RRN3: variants seen among roughly 807,000 people sequenced by gnomAD.
The protein encoded by RRN3 is RNA polymerase I-specific transcription initiation factor RRN3.
A neutral mutation model predicts 82.3 loss-of-function variants in RRN3; 38 were observed. That is an observed-to-expected ratio of 0.46 (90% CI 0.36 to 0.61). RRN3 has a LOEUF of 0.61. Among genes scored for constraint, RRN3 ranks in the 20% least tolerant of loss-of-function variants. The probability of loss-of-function intolerance (pLI) is 0.00; values close to 1 mark genes in which losing one functional copy is unlikely to be tolerated. For missense variants in RRN3, 726 were observed against 793.1 expected (o/e 0.92, Z 1.02); for synonymous variants, 284 against 284.3 (o/e 1.00, Z 0.01).
At chr16:15,085,795 A>T in intron 5 of RRN3, 97 bp from the exon 6 acceptor site, 1 of 1,506,244 alleles carries the variant, frequency 6.6e-7, no homozygotes, top group Non-Finnish European at 9.0e-7. Context: ...GAACAGCTAT[A>T]AAAAAAGTTA....
chr16:15,063,761 G>A (rs924493540), intron 16 of RRN3, among the ~76,000 whole-genome samples: 1 of 150,678 alleles, frequency 6.6e-6, no homozygotes, highest in Admixed American at 6.6e-5. Context: ...CTATGTAAAT[G>A]CTGTAACTAA....
Position 15,060,216 on chromosome 16 carries a change from G to A in RRN3, c.*1528C>T, listed in dbSNP as rs2044663387. ...AAGACCCCACTTACTACTAATTTCT[G>A]GGGAATTTCGTTTACTCGTTTTATC... On this transcript the variant is annotated 3_prime_UTR_variant, in exon 18 of 18. Transcript: ENST00000198767. 5.4e-6 allele frequency: 2 copies of A among 373,194 alleles called. No individual in the cohort carries two copies. The highest frequency in any genetic ancestry group is 1.1e-5 in the Non-Finnish European group (2 of 190,340). The allele number at this position is 373,194 out of a possible 1,614,324, so 23.1% of individuals were successfully genotyped here. A position where few individuals can be genotyped will look rare whatever the true frequency, so the allele number is the denominator to read the frequency against.
chr16:15,068,486 G>A (rs990884105), intron 14 of RRN3, among the ~76,000 whole-genome samples: 2 of 152,148 alleles, frequency 1.3e-5, no homozygotes, highest in Non-Finnish European at 2.9e-5. Context: ...TGGTCACCAA[G>A]GCAGCTTCTC....
chr16:15,065,442 C>T (rs1262451781), intron 15 of RRN3, 71 bp from the exon 16 acceptor site: 19 of 1,340,306 alleles, frequency 1.4e-5, no homozygotes, highest in African/African-American at 7.3e-5. Flanking sequence ...ATGTGAGCTG[C>T]GTGTGACAAC....
chr16:15,093,702 G>A (rs2046233353), intron 1 of RRN3, among the ~76,000 whole-genome samples: 1 of 152,186 alleles, frequency 6.6e-6, no homozygotes, highest in African/African-American at 2.4e-5. Context: ...TAAAAGTGGA[G>A]CAAAATAAAG....
intron 2 of RRN3, among the ~76,000 whole-genome samples, 177 bp downstream of exon 2, chr16:15,092,332 G>C (rs1259274666): frequency 1.3e-5 from 2 of 151,888 alleles, no homozygotes; most frequent in African/African-American, 4.8e-5. Flanking sequence ...GCCAAGGTGG[G>C]GGAAAAAAAG....
chr16:15,076,498 C>T (rs1597931341), intron 10 of RRN3, 60 bp downstream of exon 10: 1 of 1,111,628 alleles, frequency 9.0e-7, no homozygotes, highest in Non-Finnish European at 1.4e-6. Flanking sequence ...ATGAGCAGCA[C>T]TAGCTGTTTC....
At position 15,063,111 on chromosome 16, in the gene RRN3, C is replaced by T. The variant is rs1829345; in HGVS notation, c.1794+85G>A. ...CCCTAAAGTGCGGGGATTACACGCA[C>T]GAACGACTTGCCACTTACTATCTCA... On this transcript the variant is annotated intron_variant, in intron 17 of 17. Transcript: ENST00000198767. 123 of 1,031,966 alleles carry T rather than the reference C, an allele frequency of 1.2e-4. 1 individual carries two copies. The South Asian group carries it at 1.3e-3, about 11-fold the overall frequency. The allele number at this position is 1,031,966 out of a possible 1,614,324, so 63.9% of individuals were successfully genotyped here. A position where few individuals can be genotyped will look rare whatever the true frequency, so the allele number is the denominator to read the frequency against.
At chr16:15,081,009 T>C (rs1272709832) in intron 8 of RRN3, among the ~76,000 whole-genome samples, 1 of 152,202 alleles carries the variant, frequency 6.6e-6, no homozygotes. Context: ...AGTCATATAA[T>C]ACACAGTCTT....
chr16:15,061,118 T>C lies in RRN3; in HGVS notation c.*626A>G, dbSNP rs1299776746. The C allele has an allele frequency of 2.0e-5, 3 of 152,260 alleles. No homozygotes were observed. The highest frequency in any genetic ancestry group is 4.4e-5 in the Non-Finnish European group (3 of 68,076). The allele number at this position is 152,260 out of a possible 1,614,324, so 9.4% of individuals were successfully genotyped here. On this transcript the variant is annotated 3_prime_UTR_variant, in exon 18 of 18. Transcript: ENST00000198767. ...TCTCTTCCCTATGGGCTTTTATTGG[T>C]CTCTGAAGTCCCTGGAGATCTTCAG...
intron 12 of RRN3, among the ~76,000 whole-genome samples, chr16:15,072,392 AAT>A (rs1462069445): frequency 2.6e-5 from 4 of 152,186 alleles, no homozygotes; most frequent in African/African-American, 7.2e-5. Context: ...ATGAGATTTT[AAT>A]AGAGAAAGGC....
intron 10 of RRN3, among the ~76,000 whole-genome samples, chr16:15,075,734 T>C (rs558658379): frequency 1.3e-5 from 2 of 152,214 alleles, no homozygotes; most frequent in Admixed American, 6.5e-5. Context: ...ATGAGACCTA[T>C]CCATGCAAAA....
intron 8 of RRN3, among the ~76,000 whole-genome samples, chr16:15,081,255 C>T (rs56378940): frequency 0.11 from 16,515 of 152,200 alleles, 1,178 homozygotes; most frequent in Non-Finnish European, 0.16. Flanking sequence ...TGCTGAGTCA[C>T]GTGTTAATTC....
In RRN3 at chr16:15,084,695, T is replaced by C. The variant is rs2045845939; in HGVS notation, c.543A>G (p.Ala181=). Residue 181 remains alanine (A), a synonymous_variant, in exon 7 of 18, where the codon GCA becomes GCG. Coordinates refer to ENST00000198767, the MANE Select transcript of RRN3 (RefSeq NM_018427.5). ...DSDDEDDNLP[A]NFDTCHRALQ... Reference sequence around the variant, plus strand: ...AGGCTCTGTGACATGTGTCAAAATTTGCAGGAAGATCTGAAAGGAGAAAAG... The same window carrying C: ...AGGCTCTGTGACATGTGTCAAAATTCGCAGGAAGATCTGAAAGGAGAAAAG... The C allele has an allele frequency of 1.9e-6, 3 of 1,612,826 alleles. No homozygotes were observed. The African/African-American group carries it at 4.0e-5, about 22-fold the overall frequency.
At chr16:15,083,842 A>G in intron 7 of RRN3, 1 of 354,420 alleles carries the variant, frequency 2.8e-6, no homozygotes, top group Non-Finnish European at 5.3e-6. Context: ...TCAACCTCCC[A>G]AACAGCTGGG....
chr16:15,091,359 C>T lies in RRN3; in HGVS notation c.208G>A (p.Asp70Asn). ...LLKYKKGETN[D>N]FELLKNQLLD... ...AGCTGGTTCTTCAACAACTCAAAGT[C>T]ATTTGTTTCACCCTTAACAAGAAGG... The change falls in exon 3 of 18, where the codon GAC (aspartate) becomes AAC (asparagine). Residue 70 changes from aspartate to asparagine, a missense_variant. This residue lies in a region of RRN3 where 135 missense variants were observed against 87.4 expected (regional missense o/e 1.55). Transcript: ENST00000198767. The T allele has an allele frequency of 6.3e-7, 1 of 1,590,154 alleles. No homozygotes were observed. Among genetic ancestry groups the T allele is most frequent in the East Asian group, 2.2e-5 (1 of 44,730 alleles).
chr16:15,069,820 T>C (rs2045145392), intron 14 of RRN3, among the ~76,000 whole-genome samples: 1 of 152,178 alleles, frequency 6.6e-6, no homozygotes, highest in African/African-American at 2.4e-5. Context: ...ATTTCAAACT[T>C]TCAAAGGCAG....
intron 14 of RRN3, among the ~76,000 whole-genome samples, chr16:15,068,769 C>T (rs1208323557): frequency 6.6e-6 from 1 of 152,178 alleles, no homozygotes; most frequent in Admixed American, 6.5e-5. Flanking sequence ...CCTTCTACCT[C>T]AACGGACGGC....
Position 15,076,564 on chromosome 16 carries a change from A to G in RRN3, c.852T>C (p.Phe284=), listed in dbSNP as rs747173067. 1.2e-6 allele frequency: 2 copies of G among 1,607,108 alleles called. No homozygotes were observed. Among genetic ancestry groups the G allele is most frequent in the East Asian group, 2.2e-5 (1 of 44,872 alleles). The change falls in exon 10 of 18, where the codon TTT becomes TTC. Residue 284 remains phenylalanine (F), a synonymous_variant. Transcript: ENST00000198767. The part of the protein sequence containing the change: ...CGGTDSTEGL[F]NMDEDEETEH... ...TCATTAATAAACTGCTAACCATATT[A>G]AACAATCCTTCCGTGGAATCTGTCC...
Sources: allele counts gnomAD v4.1 joint callset (sites outside exome capture counted in the v4.1 genomes callset), GRCh38; gene constraint gnomAD v4.1.1; regional missense constraint gnomAD v4.1.1; transcripts MANE v1.5; gene names NCBI Gene and HGNC (gene_info 2026-07-23, HGNC 2026-07-21).